FMNL1: variants seen among roughly 807,000 people sequenced by gnomAD.
FMNL1 encodes the protein formin like 1.
A neutral mutation model predicts 121.3 loss-of-function variants in FMNL1; 43 were observed. The observed-to-expected ratio is 0.35, with a 90% CI of 0.28 to 0.46. The LOEUF is 0.46. FMNL1 is among the 20% of genes least tolerant of loss of function. The pLI is 1.00. For missense variants in FMNL1, 1,191 were observed against 1,482.4 expected (o/e 0.80, Z 3.23); for synonymous variants, 613 against 613.5 (o/e 1.00, Z 0.01).
chr17:45,232,470 C>A lies in FMNL1; in HGVS notation c.317C>A (p.Ser106Tyr). ...VSRKVAADWM[S>Y]NLGFKRRVQE... Reference sequence around the variant, plus strand: ...CGAAAGGTAGCAGCTGATTGGATGTCCAACCTGGGGGTACATGTCTCCCCT... The same window carrying A: ...CGAAAGGTAGCAGCTGATTGGATGTACAACCTGGGGGTACATGTCTCCCCT... The change falls in exon 3 of 27, where the codon TCC becomes TAC. Residue 106 changes from serine to tyrosine, a missense_variant. Coordinates refer to ENST00000331495, the MANE Select transcript of FMNL1 (RefSeq NM_005892.4). The A allele has an allele frequency of 6.2e-7, 1 of 1,614,008 alleles. No homozygotes were observed. Among genetic ancestry groups the A allele is most frequent in the African/African-American group, 1.3e-5 (1 of 75,016 alleles).
chr17:45,246,761 G>A, intron 26 of FMNL1, 106 bp from the exon 27 acceptor site: 1 of 755,134 alleles, frequency 1.3e-6, no homozygotes, highest in Non-Finnish European at 2.2e-6. Context: ...CCCCTGCCAT[G>A]TGCACACAAT....
intron 26 of FMNL1, 40 bp from the exon 27 acceptor site, chr17:45,246,827 C>T (rs1160343289): frequency 4.3e-6 from 3 of 700,484 alleles, no homozygotes; most frequent in African/African-American, 1.7e-5. Flanking sequence ...CAGCTCTGGG[C>T]GGACTCCTGA....
chr17:45,245,053 C>T lies in FMNL1; in HGVS notation c.2673C>T (p.Tyr891=), dbSNP rs2043797905. ...TGGTGAAGGTCATTGCTGAGAAGTACCCGCAACTCACAGGCTTCCACAGCG... is the reference window on the plus strand; with the variant it reads ...TGGTGAAGGTCATTGCTGAGAAGTATCCGCAACTCACAGGCTTCCACAGCG... ...HYLVKVIAEK[Y]PQLTGFHSDL... Residue 891 remains tyrosine, a synonymous_variant, in exon 21 of 27, where the codon TAC becomes TAT. Coordinates refer to ENST00000331495, the MANE Select transcript of FMNL1 (RefSeq NM_005892.4). 6 of 1,614,180 alleles carry T rather than the reference C, an allele frequency of 3.7e-6. No individual in the cohort carries two copies. The highest frequency in any genetic ancestry group is 1.3e-5 in the African/African-American group (1 of 75,042).
Position 45,237,350 on chromosome 17 carries a change from A to C in FMNL1, c.793A>C (p.Asn265His). ...NEIALSLNNK[N>H]PRTKALVLEL... ...GATTGCTCTGAGCCTCAACAACAAGAACCCCAGGTGAGGTCCAGGCCCCAA... is the reference window on the plus strand; with the variant it reads ...GATTGCTCTGAGCCTCAACAACAAGCACCCCAGGTGAGGTCCAGGCCCCAA... Residue 265 changes from asparagine to histidine, a missense_variant, in exon 8 of 27, where the codon AAC (asparagine) becomes CAC (histidine). By Grantham distance (68) the Asn-to-His change is moderately conservative. This residue lies in a region of FMNL1 where 253 missense variants were observed against 417.5 expected (regional missense o/e 0.61). Coordinates refer to ENST00000331495, the MANE Select transcript of FMNL1 (RefSeq NM_005892.4). This position sits in a 1 kb window ranked among gnomAD's most constrained non-coding sequence, Gnocchi z 4.4. The C allele has an allele frequency of 6.2e-7, 1 of 1,614,076 alleles. No individual in the cohort carries two copies. Among genetic ancestry groups the C allele is most frequent in the Non-Finnish European group, 8.5e-7 (1 of 1,180,018 alleles).
rs1393442708 is a variant in FMNL1, at chr17:45,237,575, C to T, written c.830C>T (p.Ala277Val). Reference sequence around the variant, plus strand: ...AAGGCTCTGGTGCTGGAGCTGCTGGCGGCCGTGTGCTTGGTGCGGGGAGGA... The same window carrying T: ...AAGGCTCTGGTGCTGGAGCTGCTGGTGGCCGTGTGCTTGGTGCGGGGAGGA... Reference protein sequence around the residue: ...RTKALVLELLAAVCLVRGGHD... With the variant: ...RTKALVLELLVAVCLVRGGHD... Residue 277 changes from alanine to valine, a missense_variant, in exon 9 of 27, where the codon GCG becomes GTG. Ala to Val is a moderately conservative substitution (Grantham distance 64, BLOSUM62 0). Coordinates refer to ENST00000331495, the MANE Select transcript of FMNL1 (RefSeq NM_005892.4). This position sits in a 1 kb window ranked among gnomAD's most constrained non-coding sequence, Gnocchi z 4.4. 1.9e-6 allele frequency: 3 copies of T among 1,614,172 alleles called. No homozygotes were observed. The highest frequency in any genetic ancestry group is 2.5e-6 in the Non-Finnish European group (3 of 1,180,020).
In FMNL1 at chr17:45,241,150, G is replaced by T. The variant is rs2043681074; in HGVS notation, c.1252G>T (p.Ala418Ser). Reference sequence around the variant, plus strand: ...ACAGCTGACAGAGCGGCTTCGGGACGCGGAGAACGAATCCATGGCCAAGAT... The same window carrying T: ...ACAGCTGACAGAGCGGCTTCGGGACTCGGAGAACGAATCCATGGCCAAGAT... ...VALLTERLRD[A>S]ENESMAKIAE... is the part of the protein sequence containing the mutation. Residue 418 changes from alanine to serine, a missense_variant, in exon 13 of 27, where the codon GCG becomes TCG. Ala to Ser is a moderately conservative substitution (Grantham distance 99). Transcript: ENST00000331495. The surrounding 1 kb of genome is among the most constrained non-coding windows in gnomAD (Gnocchi z 7.0). 1 of 1,614,100 alleles carries T rather than the reference G, an allele frequency of 6.2e-7. No individual in the cohort carries two copies. Among genetic ancestry groups the T allele is most frequent in the Admixed American group, 1.7e-5 (1 of 60,032 alleles).
chr17:45,222,218 G>T lies in FMNL1; in HGVS notation c.94G>T (p.Ala32Ser). Residue 32 changes from alanine (A) to serine (S), a missense_variant, in exon 1 of 27, where the codon GCC becomes TCC. Transcript: ENST00000331495. ...GCCTCCCAAGCAGCCGATGCCCGCGGCCGGAGAGCTGGAGGAGAGGTTCAA... is the reference window on the plus strand; with the variant it reads ...GCCTCCCAAGCAGCCGATGCCCGCGTCCGGAGAGCTGGAGGAGAGGTTCAA... ...PAPPKQPMPA[A>S]GELEERFNRA... 8.0e-7 allele frequency: 1 copy of T among 1,255,724 alleles called. No individual in the cohort carries two copies. The highest frequency in any genetic ancestry group is 1.0e-6 in the Non-Finnish European group (1 of 994,820). The allele number at this position is 1,255,724 out of a possible 1,614,324, so 77.8% of individuals were successfully genotyped here.
At position 45,237,411 on chromosome 17, in the gene FMNL1, C is replaced by T. The variant is rs1567964831; in HGVS notation, c.800+54C>T. On this transcript the variant is annotated intron_variant, in intron 8 of 26. Coordinates refer to ENST00000331495, the MANE Select transcript of FMNL1 (RefSeq NM_005892.4). The surrounding 1 kb of genome is among the most constrained non-coding windows in gnomAD (Gnocchi z 4.4). ...GTATCTAGAGTCTTCTCCTACTTAG[C>T]CCCTTGCTTACTCTGTCCTCCAGGT... 1 of 1,610,876 alleles carries T rather than the reference C, an allele frequency of 6.2e-7. No individual in the cohort carries two copies. Among genetic ancestry groups the T allele is most frequent in the Admixed American group, 1.7e-5 (1 of 60,010 alleles).
At chr17:45,229,720 T>C (rs553146165) in intron 1 of FMNL1, among the ~76,000 whole-genome samples, 4 of 152,278 alleles carry the variant, frequency 2.6e-5, no homozygotes, top group African/African-American at 9.6e-5. Context: ...TCGGCAGCCC[T>C]GGGCTGGCGC....
chr17:45,238,515 T>G, intron 9 of FMNL1, 49 bp from the exon 10 acceptor site: 1 of 1,603,566 alleles, frequency 6.2e-7, no homozygotes, highest in Non-Finnish European at 8.5e-7. Context: ...AGAAGGTAGC[T>G]TAGGACGTGT....
chr17:45,235,851 T>C (rs1227657211), intron 6 of FMNL1, among the ~76,000 whole-genome samples: 1 of 152,168 alleles, frequency 6.6e-6, no homozygotes, highest in Non-Finnish European at 1.5e-5. Context: ...GAGCGCCACC[T>C]TGTGGTGATC....
rs114596437 is a variant in FMNL1 at position 45,243,022 on chromosome 17, G to C, written c.2011-96G>C. On this transcript the variant is annotated intron_variant, in intron 16 of 26. Transcript: ENST00000331495. Reference sequence around the variant, plus strand: ...TTACTGGTTCTCTGCTGGTGGCCTGGTCAGGGCCAGATGGATGGCTCTAGC... The same window carrying C: ...TTACTGGTTCTCTGCTGGTGGCCTGCTCAGGGCCAGATGGATGGCTCTAGC... 706 of 1,361,834 alleles carry C rather than the reference G, an allele frequency of 5.2e-4. 4 individuals carry two copies. The African/African-American group carries it at 9.1e-3, about 18-fold the overall frequency. 84.4% of individuals were successfully genotyped at this position (1,361,834 alleles called of 1,614,324 possible).
At position 45,234,170 on chromosome 17, in the gene FMNL1, C is replaced by T. The variant is rs1368670891; in HGVS notation, c.584C>T (p.Ser195Phe). ...GACCTCAGCAAGGGTCCACCCTCCT[C>T]CGTGCCCAAAAGCCGCCACCTGACC... ...VEDLSKGPPS[S>F]VPKSRHLTIK... The change falls in exon 6 of 27, where the codon TCC becomes TTC. Residue 195 changes from serine (S) to phenylalanine (F), a missense_variant. This residue lies in a region of FMNL1 where 253 missense variants were observed against 417.5 expected (regional missense o/e 0.61). Coordinates refer to ENST00000331495, the MANE Select transcript of FMNL1 (RefSeq NM_005892.4). 1.2e-6 allele frequency: 2 copies of T among 1,614,168 alleles called. No individual in the cohort carries two copies. The highest frequency in any genetic ancestry group is 3.3e-5 in the Admixed American group (2 of 60,034).
intron 7 of FMNL1, 122 bp downstream of exon 7, chr17:45,236,366 G>A: frequency 1.3e-6 from 1 of 753,854 alleles, no homozygotes; most frequent in South Asian, 1.8e-5. Context: ...TGGGGAACTT[G>A]CGCATCTGGG....
At chr17:45,223,198 G>T (rs1257408303) in intron 1 of FMNL1, among the ~76,000 whole-genome samples, 1 of 152,228 alleles carries the variant, frequency 6.6e-6, no homozygotes. Context: ...CTTGCTGGAC[G>T]CTGGGTGACA....
Position 45,245,684 on chromosome 17 carries a change from C to A in FMNL1, c.2945C>A (p.Ser982Tyr). 1 of 1,614,106 alleles carries A rather than the reference C, an allele frequency of 6.2e-7. No homozygotes were observed. The highest frequency in any genetic ancestry group is 1.1e-5 in the South Asian group (1 of 91,086). The change falls in exon 23 of 27, where the codon TCC becomes TAC. Residue 982 changes from serine (S) to tyrosine (Y), a missense_variant. By Grantham distance (144) the Ser-to-Tyr change is moderately radical. Transcript: ENST00000331495. ...EYFGENPKTT[S>Y]PGLFFSLFSR... Reference sequence around the variant, plus strand: ...TTCGGAGAGAACCCCAAGACCACATCCCCAGGCCTGTTCTTCTCCCTCTTT... The same window carrying A: ...TTCGGAGAGAACCCCAAGACCACATACCCAGGCCTGTTCTTCTCCCTCTTT...
Position 45,230,651 on chromosome 17 carries a change from T to C in FMNL1, c.177T>C (p.Tyr59=). 6.2e-7 allele frequency: 1 copy of C among 1,613,866 alleles called. No individual in the cohort carries two copies. Among genetic ancestry groups the C allele is most frequent in the South Asian group, 1.1e-5 (1 of 91,076 alleles). The change falls in exon 2 of 27, where the codon TAT becomes TAC. Residue 59 remains tyrosine (Y), a synonymous_variant. Coordinates refer to ENST00000331495, the MANE Select transcript of FMNL1 (RefSeq NM_005892.4). ...ACAAGGTCCAGCTGCTGAGCCAGTA[T>C]GACAACGAGAAGAAGTGGGAGCTCA... ...PPDKVQLLSQ[Y]DNEKKWELIC... is the part of the protein sequence containing the mutation.
intron 1 of FMNL1, among the ~76,000 whole-genome samples, chr17:45,226,565 T>G (rs915186068): frequency 6.6e-6 from 1 of 152,222 alleles, no homozygotes; most frequent in Non-Finnish European, 1.5e-5. Context: ...CACCTTAACC[T>G]CCTTGAGTCT....
At position 45,233,583 on chromosome 17, in the gene FMNL1, G is replaced by C; in HGVS notation, c.402-65G>C. 6.3e-7 allele frequency: 1 copy of C among 1,590,420 alleles called. No individual in the cohort carries two copies. The highest frequency in any genetic ancestry group is 8.6e-7 in the Non-Finnish European group (1 of 1,160,348). On this transcript the variant is annotated intron_variant, in intron 4 of 26. Transcript: ENST00000331495. This position sits in a 1 kb window ranked among gnomAD's most constrained non-coding sequence, Gnocchi z 4.1. ...CACCCCAGGGGTCCTTGCTGTCCCT[G>C]TTCTGTGCCCATGTGGGGCAGGACC...
Sources: gnomAD v4.1 joint callset for allele counts (sites outside exome capture counted in the v4.1 genomes callset) on GRCh38, gnomAD v4.1.1 for gene constraint, gnomAD v4.1.1 regional missense constraint, Gnocchi (gnomAD v3.1) non-coding constraint, MANE v1.5 for transcripts, NCBI Gene and HGNC (gene_info 2026-07-23, HGNC 2026-07-21) for gene names.